Variants in ATRIP observed in about 807,000 individuals in gnomAD.
ATRIP encodes the protein ATR-interacting protein.
ATRIP carries 44 observed loss-of-function variants against 78.1 expected under a neutral mutation model. The ratio of observed to expected loss-of-function variants is 0.56; its 90% CI spans 0.44 to 0.72. The LOEUF (loss-of-function observed/expected upper bound fraction) is 0.72, where lower values mean the gene tolerates loss of function less well. ATRIP is among the 30% of genes least tolerant of loss of function. ATRIP has a pLI of 0.00. For synonymous variants in ATRIP, 388 were observed against 408.9 expected (o/e 0.95, Z 0.62); for missense variants, 927 against 980.2 (o/e 0.95, Z 0.72).
At chr3:48,463,054 A>G (rs1222581019) in intron 8 of ATRIP, among the ~76,000 whole-genome samples, 1 of 152,182 alleles carries the variant, frequency 6.6e-6, no homozygotes, top group Non-Finnish European at 1.5e-5. Context: ...GCCAGACCCC[A>G]TAGAGTGTTT....
In ATRIP at chr3:48,466,710, A is replaced by G; in HGVS notation, c.*1156A>G. Reference sequence around the variant, plus strand: ...CATGCAGACCCTCATCTTTTTCGACATGGAGGCCACTGGCTTGCCCTTCTC... The same window carrying G: ...CATGCAGACCCTCATCTTTTTCGACGTGGAGGCCACTGGCTTGCCCTTCTC... On this transcript the variant is annotated 3_prime_UTR_variant, in exon 13 of 13. Transcript: ENST00000320211. 1 of 1,613,878 alleles carries G rather than the reference A, an allele frequency of 6.2e-7. No individual in the cohort carries two copies.
chr3:48,462,323 C>T (rs1353910059), intron 8 of ATRIP, among the ~76,000 whole-genome samples: 5 of 151,966 alleles, frequency 3.3e-5, no homozygotes, highest in Non-Finnish European at 7.4e-5. Context: ...TCCTGTTGAG[C>T]TTGTCCACAG....
intron 3 of ATRIP, among the ~76,000 whole-genome samples, chr3:48,453,341 A>C (rs1575277077): frequency 6.6e-6 from 1 of 152,356 alleles, no homozygotes; most frequent in South Asian, 2.1e-4. Flanking sequence ...AACTTTAAGC[A>C]CTTACCTGTG....
chr3:48,453,980 G>A lies in ATRIP; in HGVS notation c.553-320G>A, dbSNP rs187466611. Among the ~76,000 whole-genome samples, 980 of 151,726 alleles carry A rather than the reference G, an allele frequency of 6.5e-3. 5 individuals carry two copies. Among genetic ancestry groups the A allele is most frequent in the Non-Finnish European group, 0.012 (793 of 67,928 alleles). ...TTGCTATTTTGCCCAGGCTGGTCTC[G>A]AACTCCTGGGCTCAAATGATCCTCC... On this transcript the variant is annotated intron_variant, in intron 3 of 12. Transcript: ENST00000320211.
Position 48,459,670 on chromosome 3 carries a change from G to A in ATRIP, c.926-117G>A, listed in dbSNP as rs890390959. On this transcript the variant is annotated intron_variant, in intron 6 of 12. Coordinates refer to ENST00000320211, the MANE Select transcript of ATRIP (RefSeq NM_130384.3). ...CCGCACCCACAGGCATCTTCCTGGG[G>A]CTTAGTGGCAGCCTAGAGGACAGTT... 8.6e-6 allele frequency: 12 copies of A among 1,401,988 alleles called. No homozygotes were observed. The African/African-American group carries it at 1.7e-4, about 20-fold the overall frequency. 86.8% of individuals were successfully genotyped at this position (1,401,988 alleles called of 1,614,324 possible).
intron 4 of ATRIP, 58 bp downstream of exon 4, chr3:48,454,476 TAACAGTGTC>T: frequency 7.4e-7 from 1 of 1,344,700 alleles, no homozygotes; most frequent in South Asian, 1.2e-5. Flanking sequence ...AAAATCTGCA[TAACAGTGTC>T]AGGCTGGTCC....
Position 48,451,735 on chromosome 3 carries a change from G to C in ATRIP, c.388G>C (p.Val130Leu). 6.3e-7 allele frequency: 1 copy of C among 1,589,126 alleles called. No individual in the cohort carries two copies. Among genetic ancestry groups the C allele is most frequent in the Non-Finnish European group, 8.6e-7 (1 of 1,167,784 alleles). ...QYKELKEKMK[V>L]MEEEVLIKNG... ...ATTAATTTGGGATTTACAGATGAAAGTAATGGAAGAAGAAGTTCTCATTAA... is the reference window on the plus strand; with the variant it reads ...ATTAATTTGGGATTTACAGATGAAACTAATGGAAGAAGAAGTTCTCATTAA... Residue 130 changes from valine (V) to leucine (L), a missense_variant, in exon 3 of 13, where the codon GTA becomes CTA. By Grantham distance (32) the Val-to-Leu change is conservative. Transcript: ENST00000320211.
rs781550691 is a variant in ATRIP at position 48,460,317 on chromosome 3, C to T, written c.1263C>T (p.Pro421=). The T allele has an allele frequency of 6.2e-7, 1 of 1,613,880 alleles. No homozygotes were observed. The highest frequency in any genetic ancestry group is 8.5e-7 in the Non-Finnish European group (1 of 1,179,882). The change falls in exon 8 of 13, where the codon CCC becomes CCT. Residue 421 remains proline, a synonymous_variant. Transcript: ENST00000320211. ...CQLPGAVHFL[P]LVQFFIGLHC... is the part of the protein sequence containing the mutation. Reference sequence around the variant, plus strand: ...TTCCTGGAGCCGTGCATTTCCTCCCCCTTGTACAGTTCTTCATCGGCTTAC... The same window carrying T: ...TTCCTGGAGCCGTGCATTTCCTCCCTCTTGTACAGTTCTTCATCGGCTTAC...
At position 48,451,773 on chromosome 3, in the gene ATRIP, T is replaced by A. The variant is rs2039842425; in HGVS notation, c.426T>A (p.Ile142=). Residue 142 remains isoleucine (I), a synonymous_variant, in exon 3 of 13, where the codon ATT becomes ATA. Transcript: ENST00000320211. ...EEEVLIKNGE[I]KILRDSLHQT... is the part of the protein sequence containing the mutation. The stretch of plus-strand genomic sequence containing the variant: ...AAGTTCTCATTAAGAATGGAGAAAT[T>A]AAAATTTTGCGAGACTCACTACATC... The A allele has an allele frequency of 1.9e-6, 3 of 1,606,768 alleles. No individual in the cohort carries two copies. Among genetic ancestry groups the A allele is most frequent in the Admixed American group, 1.7e-5 (1 of 59,106 alleles).
chr3:48,462,167 A>G (rs2040135132), intron 8 of ATRIP, among the ~76,000 whole-genome samples: 1 of 146,920 alleles, frequency 6.8e-6, no homozygotes, highest in East Asian at 2.0e-4. Context: ...CAGCTCTACA[A>G]TTTTTTTTTT....
In ATRIP at chr3:48,465,899, A is replaced by T. The variant is rs1176343918; in HGVS notation, c.*345A>T. Reference sequence around the variant, plus strand: ...CAGGGAAGGAGGTGGCTCTTGGCCCAGGCCTAAACCAGGAAAGCCTGGGAA... The same window carrying T: ...CAGGGAAGGAGGTGGCTCTTGGCCCTGGCCTAAACCAGGAAAGCCTGGGAA... On this transcript the variant is annotated 3_prime_UTR_variant, in exon 13 of 13. Coordinates refer to ENST00000320211, the MANE Select transcript of ATRIP (RefSeq NM_130384.3). 3 of 309,662 alleles carry T rather than the reference A, an allele frequency of 9.7e-6. No homozygotes were observed. The highest frequency in any genetic ancestry group is 1.3e-5 in the Non-Finnish European group (2 of 159,744). 19.2% of individuals were successfully genotyped at this position (309,662 alleles called of 1,614,324 possible).
chr3:48,464,800 C>T, intron 11 of ATRIP, 31 bp from the exon 12 acceptor site: 3 of 1,601,946 alleles, frequency 1.9e-6, no homozygotes, highest in Non-Finnish European at 2.6e-6. Flanking sequence ...ATGGTGGCAC[C>T]AGGCCTCAGT....
intron 1 of ATRIP, 93 bp from the exon 2 acceptor site, chr3:48,449,944 G>T (rs370891653): frequency 1.8e-6 from 2 of 1,118,992 alleles, no homozygotes; most frequent in Middle Eastern, 2.5e-4. Context: ...TCTCAAAAAA[G>T]AAAAAAAAAA....
Position 48,447,134 on chromosome 3 carries a change from A to G in ATRIP, c.247+42A>G, listed in dbSNP as rs375576948. 2.8e-4 allele frequency: 411 copies of G among 1,448,446 alleles called. 4 individuals carry two copies. The South Asian group carries it at 5.0e-3, about 18-fold the overall frequency. The allele number at this position is 1,448,446 out of a possible 1,614,324, so 89.7% of individuals were successfully genotyped here. ...GCCTTTTGCTCGGAGGGAGTTGTCA[A>G]CCGCGCCAGATCCCCTTGATGGCTG... On this transcript the variant is annotated intron_variant, in intron 1 of 12. Transcript: ENST00000320211.
At position 48,467,080 on chromosome 3, in the gene ATRIP, G is replaced by C; in HGVS notation, c.*1526G>C. ...CTCCAAGCAGAGCTGGCTATGCTGG[G>C]CCTCACCAGTGCTCTGGATGGTGCC... On this transcript the variant is annotated 3_prime_UTR_variant, in exon 13 of 13. Transcript: ENST00000320211. The C allele has an allele frequency of 4.3e-6, 7 of 1,613,958 alleles. No homozygotes were observed. Among genetic ancestry groups the C allele is most frequent in the Non-Finnish European group, 5.9e-6 (7 of 1,180,024 alleles).
intron 4 of ATRIP, 45 bp downstream of exon 4, chr3:48,454,463 T>A: frequency 6.9e-7 from 1 of 1,454,930 alleles, no homozygotes; most frequent in Non-Finnish European, 9.6e-7. Flanking sequence ...CATTATTTAG[T>A]AAAAAATCTG....
chr3:48,457,820 G>A (rs761581559), intron 5 of ATRIP, among the ~76,000 whole-genome samples: 26 of 152,064 alleles, frequency 1.7e-4, no homozygotes, highest in Non-Finnish European at 3.2e-4. Context: ...GAGTCTGGGC[G>A]TCATTCAAGG....
intron 8 of ATRIP, 97 bp from the exon 9 acceptor site, chr3:48,463,648 A>G (rs1560108318): frequency 6.6e-7 from 1 of 1,516,676 alleles, no homozygotes; most frequent in Admixed American, 1.9e-5. Flanking sequence ...GTTCATACTG[A>G]CTTGCTCAAT....
rs1469725202 is a variant in ATRIP, at chr3:48,463,750, A to C, written c.1751A>C (p.Gln584Pro). 1 of 1,614,058 alleles carries C rather than the reference A, an allele frequency of 6.2e-7. No individual in the cohort carries two copies. The highest frequency in any genetic ancestry group is 1.7e-5 in the Admixed American group (1 of 60,002). ...TCTGGGTCCCTGTCTTTTAGGTTCC[A>C]GTGTGTGTTCCAAGTGCTGCCAAAG... Reference protein sequence around the residue: ...NTSCDFLPRFQCVFQVLPKCL... With the variant: ...NTSCDFLPRFPCVFQVLPKCL... The change falls in exon 9 of 13, where the codon CAG (glutamine) becomes CCG (proline). Residue 584 changes from glutamine (Q) to proline (P), a missense_variant. Physicochemically the swap from Gln to Pro is moderately conservative, Grantham distance 76. Coordinates refer to ENST00000320211, the MANE Select transcript of ATRIP (RefSeq NM_130384.3).
Sources: gnomAD v4.1 joint callset for allele counts (sites outside exome capture counted in the v4.1 genomes callset) on GRCh38, gnomAD v4.1.1 for gene constraint, MANE v1.5 for transcripts, NCBI Gene and HGNC (gene_info 2026-07-23, HGNC 2026-07-21) for gene names.